PARPBP: variants seen among roughly 807,000 people sequenced by gnomAD.
PARPBP encodes the protein PCNA-interacting partner.
Under a neutral mutation model 50.0 loss-of-function variants are expected in PARPBP, and 52 were observed. The observed-to-expected ratio is 1.04, with a 90% CI of 0.83 to 1.31. PARPBP has a LOEUF of 1.31. PARPBP is among the 50% of genes most tolerant of loss of function. The pLI, the probability that PARPBP is intolerant of heterozygous loss-of-function variation, is 0.00. For synonymous variants in PARPBP, 244 were observed against 232.1 expected (o/e 1.05, Z -0.47); for missense variants, 697 against 672.0 (o/e 1.04, Z -0.41).
At chr12:102,149,565 C>A (rs1885910937) in intron 3 of PARPBP, among the ~76,000 whole-genome samples, 1 of 152,168 alleles carries the variant, frequency 6.6e-6, no homozygotes, top group Non-Finnish European at 1.5e-5. Context: ...ATAGCTTTTT[C>A]TTTCATGTCA....
At chr12:102,132,456 T>C (rs1168305091) in intron 2 of PARPBP, among the ~76,000 whole-genome samples, 1 of 152,170 alleles carries the variant, frequency 6.6e-6, no homozygotes, top group East Asian at 1.9e-4. Flanking sequence ...TCAAAACCAA[T>C]TGCCTGTAAA....
intron 9 of PARPBP, among the ~76,000 whole-genome samples, chr12:102,183,125 A>AT (rs1889995857): frequency 6.6e-6 from 1 of 152,182 alleles, no homozygotes; most frequent in African/African-American, 2.4e-5. Flanking sequence ...CTGTCTTCAT[A>AT]TGAAACATCT....
intron 6 of PARPBP, among the ~76,000 whole-genome samples, chr12:102,172,878 C>T (rs904799824): frequency 2.6e-5 from 4 of 152,082 alleles, no homozygotes; most frequent in East Asian, 1.9e-4. Context: ...ATGTTAATTA[C>T]GTTTTCATTT....
chr12:102,183,611 A>G (rs1352424832), intron 9 of PARPBP, among the ~76,000 whole-genome samples: 4 of 152,204 alleles, frequency 2.6e-5, no homozygotes, highest in Admixed American at 2.6e-4. Flanking sequence ...AGTATTTGCA[A>G]TCAAGGGATA....
At chr12:102,159,203 T>A (rs182016262) in intron 4 of PARPBP, among the ~76,000 whole-genome samples, 17 of 152,216 alleles carry the variant, frequency 1.1e-4, no homozygotes, top group African/African-American at 4.1e-4. Context: ...TGATCTCAGC[T>A]CACTGCAACC....
chr12:102,188,426 A>G (rs1237243377), intron 9 of PARPBP, among the ~76,000 whole-genome samples: 1 of 152,112 alleles, frequency 6.6e-6, no homozygotes, highest in Non-Finnish European at 1.5e-5. Flanking sequence ...CTTAGAGCAC[A>G]CCCGAGGAAG....
Position 102,197,258 on chromosome 12 carries a change from TCAAAGTTACTCTG to T in PARPBP, c.*970_*982del. ...TTGTATAATATTCTTGTTGATCAAT[TCAAAGTTACTCTG>T]CACTGTTTTTGACTTTTTAAAAATA... On this transcript the variant is annotated 3_prime_UTR_variant, in exon 11 of 11. Coordinates refer to ENST00000327680, the MANE Select transcript of PARPBP (RefSeq NM_017915.5). The T allele has an allele frequency of 9.1e-7, 1 of 1,097,022 alleles. No homozygotes were observed. The highest frequency in any genetic ancestry group is 1.3e-6 in the Non-Finnish European group (1 of 757,556). The allele number at this position is 1,097,022 out of a possible 1,614,324, so 68.0% of individuals were successfully genotyped here.
At position 102,182,633 on chromosome 12, in the gene PARPBP, A is replaced by G; in HGVS notation, c.1263+6A>G. 1 of 1,567,284 alleles carries G rather than the reference A, an allele frequency of 6.4e-7. No individual in the cohort carries two copies. The highest frequency in any genetic ancestry group is 8.8e-7 in the Non-Finnish European group (1 of 1,139,172). ...TGCAAGAGAAAAAAATTAAGGTACA[A>G]TTTAATGCATGCCATGAAAATAGCA... is the stretch of plus-strand genomic sequence containing the variant. On this transcript the variant is annotated splice_donor_region_variant and intron_variant, in intron 9 of 10. Transcript: ENST00000327680.
chr12:102,193,258 A>G (rs1890971513), intron 9 of PARPBP, among the ~76,000 whole-genome samples: 1 of 151,944 alleles, frequency 6.6e-6, no homozygotes, highest in South Asian at 2.1e-4. Flanking sequence ...AAGTAACAAA[A>G]CATTCTAAAG....
chr12:102,157,559 A>G (rs1887092641), intron 4 of PARPBP, among the ~76,000 whole-genome samples: 1 of 151,206 alleles, frequency 6.6e-6, no homozygotes, highest in Non-Finnish European at 1.5e-5. Context: ...TCTTGCTTAG[A>G]TTTTGGTTTA....
chr12:102,196,260 AG>A lies in PARPBP; in HGVS notation c.1711del (p.Ala571GlnfsTer3). ...CTAKDKLISG[Q>X]AKLTQFFRL ...GCCAAGGACAAGTTGATTTCTGGCC[AG>A]GCAAAGTTAACTCAGTTTTTTAGAC... On this transcript the variant is annotated frameshift_variant, in exon 11 of 11. Coordinates refer to ENST00000327680, the MANE Select transcript of PARPBP (RefSeq NM_017915.5). LOFTEE classifies it high-confidence loss of function. The A allele has an allele frequency of 6.3e-7, 1 of 1,595,818 alleles. No individual in the cohort carries two copies. Among genetic ancestry groups the A allele is most frequent in the Non-Finnish European group, 8.5e-7 (1 of 1,173,346 alleles).
At chr12:102,120,527 A>T (rs538270312) in intron 1 of PARPBP, 48 of 456,384 alleles carry the variant, frequency 1.1e-4, no homozygotes, top group South Asian at 7.1e-4. Flanking sequence ...CTTGGAAGAC[A>T]GGCCCGTAGA....
intron 2 of PARPBP, among the ~76,000 whole-genome samples, chr12:102,124,719 G>C (rs924450467): frequency 6.6e-6 from 1 of 152,214 alleles, no homozygotes; most frequent in Admixed American, 6.5e-5. Flanking sequence ...GGCTTGACTA[G>C]AGAAGAGGAT....
chr12:102,131,218 G>A (rs1480834343), intron 2 of PARPBP, among the ~76,000 whole-genome samples: 2 of 152,090 alleles, frequency 1.3e-5, no homozygotes, highest in South Asian at 4.1e-4. Flanking sequence ...CCAGCCACTT[G>A]GGAGGCTGAG....
rs376024632 is a variant in PARPBP, at chr12:102,178,575, A to G, written c.1006-17A>G. 1.9e-4 allele frequency: 294 copies of G among 1,540,692 alleles called. No individual in the cohort carries two copies. Among genetic ancestry groups the G allele is most frequent in the Non-Finnish European group, 2.5e-4 (284 of 1,138,528 alleles). ...GGGGTGATTATTACATTTACCTAAA[A>G]TTATTTTTTGTCTCAGCCAAAATCT... On this transcript the variant is annotated splice_polypyrimidine_tract_variant and intron_variant, in intron 7 of 10. Coordinates refer to ENST00000327680, the MANE Select transcript of PARPBP (RefSeq NM_017915.5).
At chr12:102,181,942 A>G (rs1889860545) in intron 8 of PARPBP, among the ~76,000 whole-genome samples, 1 of 152,112 alleles carries the variant, frequency 6.6e-6, no homozygotes, top group Non-Finnish European at 1.5e-5. Flanking sequence ...TGCTCCCACA[A>G]ACCCTTTCAT....
chr12:102,164,702 G>A (rs1199841667), intron 5 of PARPBP, 94 bp downstream of exon 5: 2 of 1,008,354 alleles, frequency 2.0e-6, no homozygotes, highest in Non-Finnish European at 3.1e-6. Flanking sequence ...CAACTTTTAA[G>A]TGGTTAATTT....
chr12:102,192,087 G>A lies in PARPBP; in HGVS notation c.1264-3225G>A, dbSNP rs140562102. 5.9e-3 allele frequency among the ~76,000 whole-genome samples: 899 copies of A among 152,182 alleles called. 11 individuals carry two copies. The highest frequency in any genetic ancestry group is 0.02 in the African/African-American group (842 of 41,542). On this transcript the variant is annotated intron_variant, in intron 9 of 10. Transcript: ENST00000327680. ...ATAAATATAAGCCAATGTAGGTTGC[G>A]TTGTTTAAATAATTAAAATGAAGAA...
chr12:102,183,415 A>G (rs1258148148), intron 9 of PARPBP, among the ~76,000 whole-genome samples: 1 of 152,154 alleles, frequency 6.6e-6, no homozygotes, highest in African/African-American at 2.4e-5. Context: ...AGTTTAAATT[A>G]CCAAAGCTTT....
Sources: gnomAD v4.1 joint callset for allele counts (sites outside exome capture counted in the v4.1 genomes callset) on GRCh38, gnomAD v4.1.1 for gene constraint, MANE v1.5 for transcripts, NCBI Gene and HGNC (gene_info 2026-07-23, HGNC 2026-07-21) for gene names.